Variants in ASIC2 observed in about 807,000 individuals in gnomAD.
The protein encoded by ASIC2 is acid-sensing ion channel 2.
In ASIC2, 25 loss-of-function variants were observed where a neutral mutation model predicts 57.3. The observed-to-expected ratio is 0.44, with a 90% CI of 0.32 to 0.61. The LOEUF (loss-of-function observed/expected upper bound fraction) is 0.61. ASIC2 is among the 20% of genes least tolerant of loss of function. The pLI, the probability that ASIC2 is intolerant of heterozygous loss-of-function variation, is 0.06. For missense variants in ASIC2, 641 were observed against 738.1 expected (o/e 0.87, Z 1.52); for synonymous variants, 319 against 307.5 (o/e 1.04, Z -0.39).
intron 1 of ASIC2, among the ~76,000 whole-genome samples, chr17:33,747,346 C>T (rs538236511): frequency 4.6e-5 from 7 of 151,938 alleles, no homozygotes; most frequent in African/African-American, 1.7e-4. Context: ...ACCTCAGTCC[C>T]CCAAGTAGCT....
intron 1 of ASIC2, among the ~76,000 whole-genome samples, chr17:33,969,835 C>CA (rs1389069278): frequency 6.6e-6 from 1 of 152,122 alleles, no homozygotes; most frequent in Non-Finnish European, 1.5e-5. Flanking sequence ...CAGCTACTGC[C>CA]ATGGTGAGTG....
chr17:33,197,589 A>G (rs1906685051), intron 1 of ASIC2, among the ~76,000 whole-genome samples: 1 of 152,318 alleles, frequency 6.6e-6, no homozygotes, highest in Admixed American at 6.5e-5. Flanking sequence ...GGACCTTGGC[A>G]TTGATGAATG....
chr17:33,310,126 G>T (rs1906349946), intron 1 of ASIC2, among the ~76,000 whole-genome samples: 1 of 151,510 alleles, frequency 6.6e-6, no homozygotes, highest in Non-Finnish European at 1.5e-5. Flanking sequence ...TGAAGCCTGG[G>T]TGTTTTGATG....
intron 8 of ASIC2, 115 bp from the exon 9 acceptor site, chr17:33,016,154 T>A: frequency 1.1e-6 from 1 of 947,650 alleles, no homozygotes; most frequent in Non-Finnish European, 1.6e-6. Flanking sequence ...TGGCTGAACA[T>A]ACCGTAGCAC....
chr17:33,513,468 A>G (rs1220408198), intron 1 of ASIC2, among the ~76,000 whole-genome samples: 1 of 152,254 alleles, frequency 6.6e-6, no homozygotes, highest in African/African-American at 2.4e-5. Context: ...TTGAGCCAAG[A>G]ATTACTTAGG....
At chr17:33,899,230 C>G (rs1915179017) in intron 1 of ASIC2, among the ~76,000 whole-genome samples, 1 of 152,078 alleles carries the variant, frequency 6.6e-6, no homozygotes, top group Admixed American at 6.5e-5. Context: ...CCTCTCCACA[C>G]CCTAGCTTAG....
chr17:33,577,786 G>A (rs541191237), intron 1 of ASIC2, among the ~76,000 whole-genome samples: 1 of 152,124 alleles, frequency 6.6e-6, no homozygotes, highest in East Asian at 1.9e-4. Context: ...GTTCCACCCG[G>A]CCTGCCCCCA....
intron 1 of ASIC2, among the ~76,000 whole-genome samples, chr17:33,206,702 G>C (rs747486806): frequency 6.6e-6 from 1 of 152,054 alleles, no homozygotes; most frequent in Non-Finnish European, 1.5e-5. Flanking sequence ...GGCTCTGAGG[G>C]GATACAAATA....
intron 1 of ASIC2, among the ~76,000 whole-genome samples, chr17:33,183,225 A>G (rs1906056642): frequency 6.6e-6 from 1 of 152,244 alleles, no homozygotes; most frequent in Non-Finnish European, 1.5e-5. Flanking sequence ...TATTTTTGCC[A>G]AAACAGTTTT....
At chr17:33,719,082 A>G (rs1909307773) in intron 1 of ASIC2, among the ~76,000 whole-genome samples, 1 of 152,110 alleles carries the variant, frequency 6.6e-6, no homozygotes, top group Non-Finnish European at 1.5e-5. Flanking sequence ...GAGTCCACCA[A>G]TGGGAACCTG....
intron 1 of ASIC2, among the ~76,000 whole-genome samples, chr17:33,806,866 T>C (rs7220709): frequency 0.13 from 20,329 of 152,200 alleles, 1,439 homozygotes; most frequent in East Asian, 0.19. Context: ...TTAACAACAG[T>C]GATAGCATCT....
intron 1 of ASIC2, among the ~76,000 whole-genome samples, chr17:33,115,202 A>G (rs2092276188): frequency 6.6e-6 from 1 of 152,174 alleles, no homozygotes; most frequent in African/African-American, 2.4e-5. Flanking sequence ...GCAAGTTCAC[A>G]AACGTGCCAG....
chr17:33,117,601 G>A (rs2092286166), intron 1 of ASIC2, among the ~76,000 whole-genome samples: 3 of 152,200 alleles, frequency 2.0e-5, no homozygotes, highest in African/African-American at 7.2e-5. Flanking sequence ...TGAGACTCAT[G>A]GGTGAGACCT....
At chr17:33,797,603 G>A (rs926054871) in intron 1 of ASIC2, among the ~76,000 whole-genome samples, 1 of 152,174 alleles carries the variant, frequency 6.6e-6, no homozygotes, top group Admixed American at 6.5e-5. Flanking sequence ...TCTGTGTACA[G>A]CATTATTGAT....
intron 1 of ASIC2, among the ~76,000 whole-genome samples, chr17:33,260,337 C>T (rs1909232255): frequency 6.6e-6 from 1 of 152,176 alleles, no homozygotes; most frequent in Non-Finnish European, 1.5e-5. Context: ...AGAAAGATGG[C>T]AACCAGACGC....
At chr17:33,200,155 C>G (rs1297015668) in intron 1 of ASIC2, among the ~76,000 whole-genome samples, 1 of 152,226 alleles carries the variant, frequency 6.6e-6, no homozygotes, top group African/African-American at 2.4e-5. Context: ...AACCCCCGAG[C>G]TTCTCTTCGC....
At chr17:33,359,464 G>A (rs1311216388) in intron 1 of ASIC2, among the ~76,000 whole-genome samples, 1 of 152,092 alleles carries the variant, frequency 6.6e-6, no homozygotes, top group Non-Finnish European at 1.5e-5. Flanking sequence ...ACTTGGTCAG[G>A]GGTTCATGGC....
intron 1 of ASIC2, among the ~76,000 whole-genome samples, chr17:33,772,222 T>C (rs1449341097): frequency 6.6e-6 from 1 of 152,254 alleles, no homozygotes; most frequent in African/African-American, 2.4e-5. Context: ...AGACCCTCAT[T>C]CCAGAGAGGG....
chr17:33,032,024 G>T (rs1315134572), intron 3 of ASIC2, among the ~76,000 whole-genome samples: 4 of 151,966 alleles, frequency 2.6e-5, no homozygotes, highest in Admixed American at 2.6e-4. Context: ...TGTTTTTAAG[G>T]TACATCTATT....
Sources: gnomAD v4.1 joint callset for allele counts (sites outside exome capture counted in the v4.1 genomes callset) on GRCh38, gnomAD v4.1.1 for gene constraint, MANE v1.5 for transcripts, NCBI Gene and HGNC (gene_info 2026-07-23, HGNC 2026-07-21) for gene names.